PHTF2: variants seen among roughly 807,000 people sequenced by gnomAD.
PHTF2 encodes the protein putative homeodomain transcription factor 2.
Under a neutral mutation model 101.2 loss-of-function variants are expected in PHTF2, and 60 were observed. The observed-to-expected ratio is 0.59, with a 90% CI of 0.48 to 0.73. The LOEUF (loss-of-function observed/expected upper bound fraction) is 0.73. Among genes scored for constraint, PHTF2 ranks in the 30% least tolerant of loss-of-function variants. The pLI, the probability that PHTF2 is intolerant of heterozygous loss-of-function variation, is 0.00. For synonymous variants in PHTF2, 311 were observed against 307.3 expected (o/e 1.01, Z -0.13); for missense variants, 747 against 908.7 (o/e 0.82, Z 2.29).
At chr7:77,929,134 G>T in exon 12 of PHTF2, 2 of 1,613,722 alleles carry the variant, frequency 1.2e-6, no homozygotes, top group Non-Finnish European at 1.7e-6. Flanking sequence ...GGTACTAGTT[G>T]CAGCTCTCGC....
At chr7:77,923,883 C>T (rs989468345) in intron 11 of PHTF2, 8 of 973,398 alleles carry the variant, frequency 8.2e-6, no homozygotes, top group East Asian at 1.1e-4. Flanking sequence ...TTTCTTGAAG[C>T]GCAGAACATT....
intron 2 of PHTF2, among the ~76,000 whole-genome samples, chr7:77,852,641 A>G (rs1796857410): frequency 6.6e-6 from 1 of 152,162 alleles, no homozygotes; most frequent in African/African-American, 2.4e-5. Context: ...ATACAGTGTT[A>G]CAATATTCTG....
At chr7:77,911,219 T>C (rs2150871798) in intron 9 of PHTF2, among the ~76,000 whole-genome samples, 1 of 152,072 alleles carries the variant, frequency 6.6e-6, no homozygotes, top group East Asian at 1.9e-4. Flanking sequence ...AAAAATGGCT[T>C]TTTGCATACA....
At chr7:77,900,593 AC>A in intron 5 of PHTF2, 117 bp from the exon 5 acceptor site, 1 of 672,318 alleles carries the variant, frequency 1.5e-6, no homozygotes, top group Admixed American at 2.2e-5. Flanking sequence ...ATAATGTGTT[AC>A]ATTTTGTTGG....
In PHTF2 at chr7:77,930,557, A is replaced by G. The variant is rs1584746357; in HGVS notation, c.1338+1230A>G. Among the ~76,000 whole-genome samples the G allele has an allele frequency of 2.6e-5, 4 of 152,284 alleles. No individual in the cohort carries two copies. The Middle Eastern group carries it at 0.014, about 518-fold the overall frequency. On this transcript the variant is annotated intron_variant, in intron 12 of 19. Coordinates refer to ENST00000416283, the Ensembl canonical transcript of PHTF2. ...AAGTAAAGTCAGAAAACTCGAGAAA[A>G]AAAAGAGAACTTTCAATCTGATAAA...
At chr7:77,905,567 T>C (rs887333002) in intron 7 of PHTF2, among the ~76,000 whole-genome samples, 2 of 151,786 alleles carry the variant, frequency 1.3e-5, no homozygotes, top group African/African-American at 4.8e-5. Context: ...GGTGCAGTCA[T>C]GGCTCGCTGC....
At chr7:77,846,766 C>G (rs536563195) in intron 2 of PHTF2, among the ~76,000 whole-genome samples, 1 of 151,928 alleles carries the variant, frequency 6.6e-6, no homozygotes, top group Admixed American at 6.6e-5. Flanking sequence ...CTCAGCCTTC[C>G]GAGTAGCTGG....
chr7:77,800,337 C>G (rs1234588324), intron 1 of PHTF2, among the ~76,000 whole-genome samples: 3 of 152,184 alleles, frequency 2.0e-5, no homozygotes, highest in African/African-American at 7.2e-5. Flanking sequence ...GGGCCAGAAA[C>G]AGTGGTTCCA....
intron 1 of PHTF2, among the ~76,000 whole-genome samples, chr7:77,811,758 G>C (rs566222215): frequency 6.6e-6 from 1 of 152,118 alleles, no homozygotes; most frequent in Non-Finnish European, 1.5e-5. Context: ...TCTAAGCAGT[G>C]TTGATTTCTT....
intron 1 of PHTF2, among the ~76,000 whole-genome samples, chr7:77,805,768 G>A (rs57255774): frequency 0.16 from 24,298 of 152,166 alleles, 2,772 homozygotes; most frequent in African/African-American, 0.32. Context: ...CATACATTGT[G>A]TATTTTGAAT....
chr7:77,829,965 G>A (rs1424934073), intron 1 of PHTF2, among the ~76,000 whole-genome samples: 1 of 152,124 alleles, frequency 6.6e-6, no homozygotes, highest in African/African-American at 2.4e-5. Flanking sequence ...GCATGTTGGG[G>A]GAGTACAGGA....
intron 2 of PHTF2, among the ~76,000 whole-genome samples, chr7:77,844,126 T>C (rs999210850): frequency 2.0e-5 from 3 of 152,064 alleles, no homozygotes; most frequent in Admixed American, 6.5e-5. Flanking sequence ...GCCCCCCAAG[T>C]AGCTGGAACT....
chr7:77,940,879 C>A (rs11978636), intron 15 of PHTF2, among the ~76,000 whole-genome samples: 15,328 of 152,146 alleles, frequency 0.1, 1,050 homozygotes, highest in African/African-American at 0.19. Flanking sequence ...AATGAGTTTC[C>A]TCACAGAAGT....
intron 9 of PHTF2, among the ~76,000 whole-genome samples, chr7:77,913,232 A>T (rs1262670648): frequency 6.6e-6 from 1 of 152,016 alleles, no homozygotes; most frequent in Non-Finnish European, 1.5e-5. Context: ...TACTAAAAAT[A>T]CAAAAATTAG....
chr7:77,888,244 A>G (rs1431291801), intron 3 of PHTF2, among the ~76,000 whole-genome samples: 1 of 152,106 alleles, frequency 6.6e-6, no homozygotes, highest in Non-Finnish European at 1.5e-5. Flanking sequence ...CCTCCCAAGT[A>G]GCTGGGATTA....
At chr7:77,954,612 G>GTATATATATATATA (rs66540211) in intron 19 of PHTF2, among the ~76,000 whole-genome samples, 4 of 90,194 alleles carry the variant, frequency 4.4e-5, no homozygotes, top group South Asian at 4.3e-4. Context: ...CAAGTACTGT[G>GTATATATATATATA]TATATATATA....
intron 1 of PHTF2, among the ~76,000 whole-genome samples, chr7:77,808,192 G>C: frequency 6.6e-6 from 1 of 152,060 alleles, no homozygotes; most frequent in East Asian, 1.9e-4. Context: ...ATATATTTTA[G>C]TATGAGTTTT....
At chr7:77,887,879 G>A (rs1800010544) in intron 3 of PHTF2, among the ~76,000 whole-genome samples, 2 of 152,142 alleles carry the variant, frequency 1.3e-5, no homozygotes, top group South Asian at 2.1e-4. Flanking sequence ...AAGCACCAGA[G>A]AAAGGACTTC....
chr7:77,915,451 T>C (rs1181691540), intron 9 of PHTF2, among the ~76,000 whole-genome samples: 2 of 152,046 alleles, frequency 1.3e-5, no homozygotes, highest in Non-Finnish European at 2.9e-5. Flanking sequence ...GACCTCACGA[T>C]CCGCCCACCT....
Sources: allele counts gnomAD v4.1 joint callset (sites outside exome capture counted in the v4.1 genomes callset), GRCh38; gene constraint gnomAD v4.1.1; transcripts MANE v1.5; gene names NCBI Gene and HGNC (gene_info 2026-07-23, HGNC 2026-07-21).